Variants in GRID2 observed in about 807,000 individuals in gnomAD.
The protein encoded by GRID2 is glutamate ionotropic receptor delta type subunit 2.
A neutral mutation model predicts 114.8 loss-of-function variants in GRID2; 33 were observed. The ratio of observed to expected loss-of-function variants is 0.29; its 90% CI spans 0.22 to 0.38. GRID2 has a LOEUF of 0.38. GRID2 is among the 10% of genes least tolerant of loss of function. The pLI is 1.00. For missense variants in GRID2, 1,184 were observed against 1,257.7 expected (o/e 0.94, Z 0.89); for synonymous variants, 505 against 449.9 (o/e 1.12, Z -1.55).
At chr4:92,976,081 G>C (rs747278305) in intron 2 of GRID2, among the ~76,000 whole-genome samples, 42 of 151,894 alleles carry the variant, frequency 2.8e-4, no homozygotes, top group Admixed American at 7.9e-4. Context: ...AGAATATCCA[G>C]TTTTCAATTA....
chr4:93,665,913 G>T (rs189489796), intron 14 of GRID2, among the ~76,000 whole-genome samples: 62 of 152,106 alleles, frequency 4.1e-4, no homozygotes, highest in Admixed American at 3.5e-3. Flanking sequence ...TCAAGATTTG[G>T]TTCTAATATT....
intron 5 of GRID2, among the ~76,000 whole-genome samples, chr4:93,210,638 T>C (rs1298008017): frequency 1.3e-5 from 2 of 152,074 alleles, no homozygotes; most frequent in African/African-American, 2.4e-5. Context: ...TCACCCACTG[T>C]TTAAGGCTCA....
rs548472457 is a variant in GRID2 at position 92,654,792 on chromosome 4, G to C, written c.244+64506G>C. ...GAAGTGTTTGAACTCCTTATATTCTGGATGTTAGTCCCTTGTCAGATGAAT... is the reference window on the plus strand; with the variant it reads ...GAAGTGTTTGAACTCCTTATATTCTCGATGTTAGTCCCTTGTCAGATGAAT... On this transcript the variant is annotated intron_variant, in intron 2 of 15. Coordinates refer to ENST00000282020, the MANE Select transcript of GRID2 (RefSeq NM_001510.4). Among the ~76,000 whole-genome samples the C allele has an allele frequency of 3.3e-5, 5 of 151,846 alleles. No homozygotes were observed. The South Asian group carries it at 1.0e-3, about 32-fold the overall frequency.
chr4:93,246,596 A>G (rs1365210714), intron 8 of GRID2, among the ~76,000 whole-genome samples: 2 of 151,724 alleles, frequency 1.3e-5, no homozygotes, highest in African/African-American at 2.4e-5. Context: ...CAAAAAAAAA[A>G]AAAGAAAAAA....
At chr4:93,676,824 C>T (rs186206114) in intron 14 of GRID2, among the ~76,000 whole-genome samples, 14 of 151,802 alleles carry the variant, frequency 9.2e-5, no homozygotes, top group Admixed American at 1.3e-4. Context: ...GGAACAGCCC[C>T]GGTCTACAGC....
intron 2 of GRID2, among the ~76,000 whole-genome samples, chr4:92,890,317 G>C (rs1053357878): frequency 6.6e-6 from 1 of 152,276 alleles, no homozygotes; most frequent in Middle Eastern, 3.4e-3. Flanking sequence ...ACTATCATCA[G>C]AGTGAACAGG....
At chr4:93,327,402 T>C (rs1339472077) in intron 8 of GRID2, among the ~76,000 whole-genome samples, 1 of 152,176 alleles carries the variant, frequency 6.6e-6, no homozygotes, top group African/African-American at 2.4e-5. Flanking sequence ...TACAAAACCC[T>C]AAAAATTATC....
chr4:93,805,977 G>C (rs1455521149), intron 1 of GRID2, among the ~76,000 whole-genome samples: 2 of 151,994 alleles, frequency 1.3e-5, no homozygotes. Context: ...TGTGCCTGTG[G>C]TCCCAGCTAC....
At chr4:93,238,961 A>G (rs1747139888) in intron 8 of GRID2, among the ~76,000 whole-genome samples, 1 of 151,238 alleles carries the variant, frequency 6.6e-6, no homozygotes, top group Admixed American at 6.6e-5. Flanking sequence ...TAGTTTGCAG[A>G]AAATGAACTC....
intron 2 of GRID2, among the ~76,000 whole-genome samples, chr4:92,940,497 A>G (rs896171209): frequency 5.3e-5 from 8 of 152,216 alleles, no homozygotes; most frequent in African/African-American, 1.7e-4. Context: ...TAGATATACA[A>G]TCCTGTCATC....
At chr4:92,396,522 G>GCTTCT (rs1289678602) in intron 1 of GRID2, among the ~76,000 whole-genome samples, 1 of 151,914 alleles carries the variant, frequency 6.6e-6, no homozygotes, top group African/African-American at 2.4e-5. Flanking sequence ...TACCATTGGA[G>GCTTCT]AGACACTTCA....
chr4:92,684,133 A>C (rs190580555), intron 2 of GRID2, among the ~76,000 whole-genome samples: 114 of 152,188 alleles, frequency 7.5e-4, no homozygotes, highest in African/African-American at 2.7e-3. Context: ...GTAAATTTTA[A>C]AAATATGAAA....
intron 1 of GRID2, among the ~76,000 whole-genome samples, chr4:92,437,507 G>A (rs1382551571): frequency 6.6e-6 from 1 of 152,204 alleles, no homozygotes; most frequent in Non-Finnish European, 1.5e-5. Context: ...GGCCTCAAGT[G>A]ATCTGCCTGC....
At chr4:93,740,977 T>C (rs1259101200) in intron 14 of GRID2, among the ~76,000 whole-genome samples, 3 of 151,414 alleles carry the variant, frequency 2.0e-5, no homozygotes, top group African/African-American at 7.3e-5. Flanking sequence ...ATAATACATT[T>C]GAAAGCAATA....
intron 4 of GRID2, among the ~76,000 whole-genome samples, chr4:93,201,466 C>G (rs536662987): frequency 4.5e-4 from 69 of 152,304 alleles, no homozygotes; most frequent in African/African-American, 1.5e-3. Context: ...ATGCATGCCC[C>G]TTGCTGATCT....
intron 10 of GRID2, among the ~76,000 whole-genome samples, chr4:93,444,691 T>C (rs1455781431): frequency 6.6e-6 from 1 of 151,988 alleles, no homozygotes; most frequent in African/African-American, 2.4e-5. Flanking sequence ...GTGCTATCAA[T>C]GTGTTAAAAA....
chr4:92,913,638 C>T (rs1560694176), intron 2 of GRID2, among the ~76,000 whole-genome samples: 1 of 151,890 alleles, frequency 6.6e-6, no homozygotes, highest in Non-Finnish European at 1.5e-5. Context: ...AACTGCAGCA[C>T]TTGAAAACCA....
At chr4:93,092,908 A>C (rs1319836017) in intron 3 of GRID2, among the ~76,000 whole-genome samples, 8 of 152,016 alleles carry the variant, frequency 5.3e-5, no homozygotes, top group Admixed American at 5.3e-4. Context: ...GTACAGAGCT[A>C]TGAGAACAGG....
intron 2 of GRID2, among the ~76,000 whole-genome samples, chr4:92,894,403 G>A (rs1386056465): frequency 6.6e-6 from 1 of 152,076 alleles, no homozygotes; most frequent in African/African-American, 2.4e-5. Context: ...TGGCCAGGAG[G>A]ATAGACTATA....
Sources: allele counts gnomAD v4.1 joint callset (sites outside exome capture counted in the v4.1 genomes callset), GRCh38; gene constraint gnomAD v4.1.1; transcripts MANE v1.5; gene names NCBI Gene and HGNC (gene_info 2026-07-23, HGNC 2026-07-21).